Variants in MIS18BP1 observed in about 807,000 individuals in gnomAD.
The protein encoded by MIS18BP1 is MIS18 binding protein 1.
MIS18BP1 carries 72 observed loss-of-function variants against 116.1 expected under a neutral mutation model. That is an observed-to-expected ratio of 0.62 (90% CI 0.51 to 0.75). MIS18BP1 has a LOEUF of 0.75. MIS18BP1 is among the 30% of genes least tolerant of loss of function. The pLI, the probability that MIS18BP1 is intolerant of heterozygous loss-of-function variation, is 0.00. For synonymous variants in MIS18BP1, 386 were observed against 427.0 expected (o/e 0.90, Z 1.18); for missense variants, 1,363 against 1,303.2 (o/e 1.05, Z -0.71).
At chr14:45,212,849 A>G (rs1203988398) in intron 13 of MIS18BP1, among the ~76,000 whole-genome samples, 1 of 152,240 alleles carries the variant, frequency 6.6e-6, no homozygotes, top group South Asian at 2.1e-4. Context: ...AAGGAACACA[A>G]GACCCCCAGA....
Position 45,224,298 on chromosome 14 carries a change from A to G in MIS18BP1, c.2289T>C (p.Tyr763=). The change falls in exon 11 of 17, where the codon TAT becomes TAC. Residue 763 remains tyrosine, a synonymous_variant. Coordinates refer to ENST00000310806, the MANE Select transcript of MIS18BP1 (RefSeq NM_018353.5). ...KIENQVAMSF[Y]KHQSSPDLSS... ...ACAAATCTGGTGAGGACTGATGCTTATAAAATGACATAGCTACCTGATTTT... is the reference window on the plus strand; with the variant it reads ...ACAAATCTGGTGAGGACTGATGCTTGTAAAATGACATAGCTACCTGATTTT... 6.2e-7 allele frequency: 1 copy of G among 1,613,902 alleles called. No individual in the cohort carries two copies. The highest frequency in any genetic ancestry group is 8.5e-7 in the Non-Finnish European group (1 of 1,179,962).
In MIS18BP1 at chr14:45,242,212, T is replaced by C. The variant is rs1253461041; in HGVS notation, c.965A>G (p.Asn322Ser). ...TGTCTCTCCAGGCACTGTTTTTCCA[T>C]TTCCTTCCTTAACTTTCTGTTGCGA... ...GTSQQKVKEG[N>S]GKTVPGETGL... Residue 322 changes from asparagine (N) to serine (S), a missense_variant, in exon 4 of 17, where the codon AAT becomes AGT. Asn to Ser is a conservative substitution (Grantham distance 46, BLOSUM62 1). Transcript: ENST00000310806. 1 of 1,614,166 alleles carries C rather than the reference T, an allele frequency of 6.2e-7. No homozygotes were observed. Among genetic ancestry groups the C allele is most frequent in the Non-Finnish European group, 8.5e-7 (1 of 1,180,012 alleles).
At chr14:45,247,464 T>A in intron 1 of MIS18BP1, 87 bp from the exon 2 acceptor site, 2 of 494,200 alleles carry the variant, frequency 4.0e-6, no homozygotes, top group Non-Finnish European at 7.0e-6. Flanking sequence ...ATTATACTAA[T>A]TAAAATGTTT....
intron 15 of MIS18BP1, among the ~76,000 whole-genome samples, chr14:45,205,553 T>C (rs1890491489): frequency 6.6e-6 from 1 of 152,300 alleles, no homozygotes; most frequent in East Asian, 1.9e-4. Context: ...GGGATATAGA[T>C]CATTCTATTA....
At position 45,203,969 on chromosome 14, in the gene MIS18BP1, C is replaced by A. The variant is rs1326534676; in HGVS notation, c.*140G>T. 3.2e-6 allele frequency: 4 copies of A among 1,264,922 alleles called. No homozygotes were observed. The highest frequency in any genetic ancestry group is 1.7e-5 in the South Asian group (1 of 58,974). 78.4% of individuals were successfully genotyped at this position (1,264,922 alleles called of 1,614,324 possible). On this transcript the variant is annotated 3_prime_UTR_variant, in exon 17 of 17. Coordinates refer to ENST00000310806, the MANE Select transcript of MIS18BP1 (RefSeq NM_018353.5). ...AGCAATGAGGATATTTTACTTTGAA[C>A]ACAAACATATGAAACCTTCAAAAAA...
At chr14:45,242,010 T>A (rs753110293) in intron 4 of MIS18BP1, 24 bp downstream of exon 4, 1 of 1,562,890 alleles carries the variant, frequency 6.4e-7, no homozygotes, top group Non-Finnish European at 8.6e-7. Context: ...TAGAAATAAA[T>A]ATCTGTCTTA....
At chr14:45,221,664 G>A (rs1265568152) in intron 11 of MIS18BP1, among the ~76,000 whole-genome samples, 2 of 152,044 alleles carry the variant, frequency 1.3e-5, no homozygotes, top group Admixed American at 1.3e-4. Flanking sequence ...GAGGTTTTAT[G>A]ATCTATCTTG....
chr14:45,205,061 TG>T (rs1391399742), intron 15 of MIS18BP1, among the ~76,000 whole-genome samples: 2 of 152,146 alleles, frequency 1.3e-5, no homozygotes, highest in African/African-American at 4.8e-5. Context: ...CTATTGGCCA[TG>T]GCTGGCAATC....
chr14:45,213,925 G>A (rs1490791123), intron 13 of MIS18BP1, among the ~76,000 whole-genome samples: 1 of 152,238 alleles, frequency 6.6e-6, no homozygotes, highest in African/African-American at 2.4e-5. Context: ...TGCAGAATGT[G>A]CTTTGCTAAA....
In MIS18BP1 at chr14:45,242,452, G is replaced by A. The variant is rs535756980; in HGVS notation, c.725C>T (p.Thr242Ile). The A allele has an allele frequency of 3.4e-5, 55 of 1,612,252 alleles. No individual in the cohort carries two copies. Among genetic ancestry groups the A allele is most frequent in the Non-Finnish European group, 4.3e-5 (51 of 1,179,640 alleles). The change falls in exon 4 of 17, where the codon ACT (threonine) becomes ATT (isoleucine). Residue 242 changes from threonine (T) to isoleucine (I), a missense_variant. Physicochemically the swap from Thr to Ile is moderately conservative, Grantham distance 89. Coordinates refer to ENST00000310806, the MANE Select transcript of MIS18BP1 (RefSeq NM_018353.5). ...LAVEARNKTL[T>I]RAQLAKQIFH... is the part of the protein sequence containing the mutation. ...AATTTGTTTAGCCAACTGAGCTCTA[G>A]TTAATGTCTTGTTTCGGGCTTCTAC...
intron 4 of MIS18BP1, among the ~76,000 whole-genome samples, chr14:45,240,961 G>T (rs544185854): frequency 5.9e-5 from 9 of 152,088 alleles, no homozygotes; most frequent in Admixed American, 2.0e-4. Flanking sequence ...TCCAATAATG[G>T]GATTTCTAGC....
At chr14:45,216,387 G>A (rs531018404) in intron 13 of MIS18BP1, among the ~76,000 whole-genome samples, 1 of 152,248 alleles carries the variant, frequency 6.6e-6, no homozygotes, top group Admixed American at 6.5e-5. Context: ...AATTCAGAAA[G>A]TACATAAATA....
chr14:45,212,442 GA>G (rs1398372466), intron 13 of MIS18BP1, among the ~76,000 whole-genome samples: 5 of 152,166 alleles, frequency 3.3e-5, no homozygotes, highest in African/African-American at 1.2e-4. Context: ...AGCAAGGAAT[GA>G]GAGGGCCTCC....
chr14:45,239,166 T>C lies in MIS18BP1; in HGVS notation c.1144-1445A>G, dbSNP rs1253264355. Among the ~76,000 whole-genome samples the C allele has an allele frequency of 4.6e-5, 7 of 152,302 alleles. 1 individual carries two copies. In the South Asian group the frequency reaches 8.3e-4, roughly 18 times the overall value. Reference sequence around the variant, plus strand: ...TTCATTCAACAAATATTTGTTGAGTTCTACACACTGTTTTAGATAGTGGAG... The same window carrying C: ...TTCATTCAACAAATATTTGTTGAGTCCTACACACTGTTTTAGATAGTGGAG... On this transcript the variant is annotated intron_variant, in intron 4 of 16. Coordinates refer to ENST00000310806, the MANE Select transcript of MIS18BP1 (RefSeq NM_018353.5).
intron 2 of MIS18BP1, 84 bp downstream of exon 2, chr14:45,246,659 G>T: frequency 1.5e-6 from 2 of 1,322,768 alleles, no homozygotes; most frequent in Non-Finnish European, 2.0e-6. Flanking sequence ...TTTGTTCACT[G>T]CTATATTCTG....
chr14:45,231,065 A>T, intron 8 of MIS18BP1, 76 bp downstream of exon 8: 1 of 1,487,582 alleles, frequency 6.7e-7, no homozygotes, highest in Non-Finnish European at 9.2e-7. Flanking sequence ...TACTATACAC[A>T]TTATAAACCA....
At chr14:45,237,766 A>G (rs370382464) in intron 4 of MIS18BP1, 45 bp from the exon 5 acceptor site, 1 of 1,543,324 alleles carries the variant, frequency 6.5e-7, no homozygotes, top group Non-Finnish European at 8.7e-7. Context: ...TATTACTTGC[A>G]GCACAAGCAT....
In MIS18BP1 at chr14:45,248,055, G is replaced by GTTTT. The variant is rs3036381; in HGVS notation, c.-91-682_-91-679dup. 2.8e-3 allele frequency among the ~76,000 whole-genome samples: 302 copies of GTTTT among 109,208 alleles called. 5 individuals are homozygous for GTTTT. Among genetic ancestry groups the GTTTT allele is most frequent in the South Asian group, 0.013 (41 of 3,202 alleles). The allele number at this position is 109,208 out of a possible 152,430, so 71.6% of individuals were successfully genotyped here. ...ACGTAGTTTTAGTCTTGTTTCTTTC[G>GTTTT]TTTTTTTTTTTTTTTTTTCTTTTTT... On this transcript the variant is annotated intron_variant, in intron 1 of 16. Transcript: ENST00000310806.
Position 45,247,269 on chromosome 14 carries a change from C to T in MIS18BP1, c.18G>A (p.Leu6=), listed in dbSNP as rs766255309. The change falls in exon 2 of 17, where the codon TTG becomes TTA. Residue 6 remains leucine, a synonymous_variant. Transcript: ENST00000310806. MIATP[L]KHSRIYLPPE... ...GAGGTAAGTAAATTCTTGAATGTTT[C>T]AAAGGTGTTGCAATCATCTTGACAA... is the stretch of plus-strand genomic sequence containing the variant. The T allele has an allele frequency of 1.9e-6, 3 of 1,573,510 alleles. No individual in the cohort carries two copies. In the South Asian group the frequency reaches 3.6e-5, roughly 19 times the overall value.
Sources: allele counts gnomAD v4.1 joint callset (sites outside exome capture counted in the v4.1 genomes callset), GRCh38; gene constraint gnomAD v4.1.1; transcripts MANE v1.5; gene names NCBI Gene and HGNC (gene_info 2026-07-23, HGNC 2026-07-21).